Variants in APPL1 observed in about 807,000 individuals in gnomAD.
APPL1 encodes the protein adaptor protein, phosphotyrosine interacting with PH domain and leucine zipper 1.
Under a neutral mutation model 106.8 loss-of-function variants are expected in APPL1, and 42 were observed. The ratio of observed to expected loss-of-function variants is 0.39; its 90% CI spans 0.31 to 0.51. The LOEUF (loss-of-function observed/expected upper bound fraction) is 0.51, where lower values mean the gene tolerates loss of function less well. Among genes scored for constraint, APPL1 ranks in the 20% least tolerant of loss-of-function variants. APPL1 has a pLI of 0.75. For synonymous variants in APPL1, 263 were observed against 281.8 expected, an observed-to-expected ratio of 0.93 and a Z score of 0.67; for missense variants, 769 against 858.2, an observed-to-expected ratio of 0.90 and a Z score of 1.30.
At chr3:57,251,484 C>T (rs1449517346) in intron 11 of APPL1, among the ~76,000 whole-genome samples, 1 of 147,694 alleles carries the variant, frequency 6.8e-6, no homozygotes, top group Non-Finnish European at 1.5e-5. Context: ...GAGATCGCGC[C>T]ACTGCACTTC....
chr3:57,250,826 G>A (rs1357632925), intron 11 of APPL1, among the ~76,000 whole-genome samples: 1 of 13,752 alleles, frequency 7.3e-5, no homozygotes, highest in Non-Finnish European at 1.5e-4. Flanking sequence ...TTTTTTTTTT[G>A]AGACGGAGTC....
At chr3:57,265,402 G>A (rs1001099182) in intron 19 of APPL1, among the ~76,000 whole-genome samples, 15 of 152,164 alleles carry the variant, frequency 9.9e-5, no homozygotes, top group Middle Eastern at 3.4e-3. Context: ...CACCTGTCTC[G>A]GCCTCCCAAA....
Position 57,248,223 on chromosome 3 carries a change from G to C in APPL1, c.735G>C (p.Glu245Asp). 1 of 1,614,130 alleles carries C rather than the reference G, an allele frequency of 6.2e-7. No individual in the cohort carries two copies. The highest frequency in any genetic ancestry group is 8.5e-7 in the Non-Finnish European group (1 of 1,180,014). ...GCAGGGAAATGGACAGTGATATAGA[G>C]ACCATGCAACAGACAATAGAGGATT... ...NVRREMDSDI[E>D]TMQQTIEDLE... The change falls in exon 10 of 22, where the codon GAG (glutamate) becomes GAC (aspartate). Residue 245 changes from glutamate (E) to aspartate (D), a missense_variant. Glu to Asp is a conservative substitution (Grantham distance 45). Coordinates refer to ENST00000288266, the MANE Select transcript of APPL1 (RefSeq NM_012096.3).
Position 57,258,581 on chromosome 3 carries a change from C to T in APPL1, c.1431-447C>T, listed in dbSNP as rs536030389. On this transcript the variant is annotated intron_variant, in intron 15 of 21. Transcript: ENST00000288266. ...ACTTTTCTTTTTGCATTGTTACTTACGCTTTAAGAAATACAGGTTTAAAAC... is the reference window on the plus strand; with the variant it reads ...ACTTTTCTTTTTGCATTGTTACTTATGCTTTAAGAAATACAGGTTTAAAAC... 1.1e-4 allele frequency among the ~76,000 whole-genome samples: 16 copies of T among 152,308 alleles called. No individual in the cohort carries two copies. The South Asian group carries it at 2.7e-3, about 26-fold the overall frequency.
rs529656946 is a variant in APPL1, at chr3:57,235,645, A to G, written c.134A>G (p.His45Arg). 5.6e-6 allele frequency: 9 copies of G among 1,613,048 alleles called. No individual in the cohort carries two copies. The African/African-American group carries it at 8.0e-5, about 14-fold the overall frequency. Reference sequence around the variant, plus strand: ...ATGAACCAGTTGTATCAAGCTATGCATCGGATTTATGATGCACAGGTAAAA... The same window carrying G: ...ATGAACCAGTTGTATCAAGCTATGCGTCGGATTTATGATGCACAGGTAAAA... The part of the protein sequence containing the change: ...NYMNQLYQAM[H>R]RIYDAQNELS... The change falls in exon 2 of 22, where the codon CAT (histidine) becomes CGT (arginine). Residue 45 changes from histidine (H) to arginine (R), a missense_variant. Coordinates refer to ENST00000288266, the MANE Select transcript of APPL1 (RefSeq NM_012096.3).
In APPL1 at chr3:57,273,033, A is replaced by AT. The variant is rs1271090482; in HGVS notation, c.*3350dup. 14 of 152,752 alleles carry AT rather than the reference A, an allele frequency of 9.2e-5. No homozygotes were observed. In the East Asian group the frequency reaches 1.7e-3, roughly 19 times the overall value. 9.5% of individuals were successfully genotyped at this position (152,752 alleles called of 1,614,324 possible). ...GTTTGGTTTACTCTTCTCCCATGAG[A>AT]TTTTGTCTTTCTACATTAACTAGTA... On this transcript the variant is annotated 3_prime_UTR_variant, in exon 22 of 22. Coordinates refer to ENST00000288266, the MANE Select transcript of APPL1 (RefSeq NM_012096.3).
rs1415229841 is a variant in APPL1, at chr3:57,270,291, C to G, written c.*604C>G. ...ACTTTCTGGGATTGCTCACATTTCT[C>G]TAATGTACTGCACTTGATGCCAGTA... is the stretch of plus-strand genomic sequence containing the variant. On this transcript the variant is annotated 3_prime_UTR_variant, in exon 22 of 22. Transcript: ENST00000288266. 6.6e-6 allele frequency: 1 copy of G among 152,608 alleles called. No homozygotes were observed. The highest frequency in any genetic ancestry group is 1.5e-5 in the Non-Finnish European group (1 of 68,078). 9.5% of individuals were successfully genotyped at this position (152,608 alleles called of 1,614,324 possible).
At chr3:57,234,743 C>T (rs1291761844) in intron 1 of APPL1, among the ~76,000 whole-genome samples, 2 of 152,012 alleles carry the variant, frequency 1.3e-5, no homozygotes, top group Non-Finnish European at 2.9e-5. Flanking sequence ...GCAACCTTCA[C>T]CTCCCAAGTT....
chr3:57,245,950 C>T (rs1420172612), intron 7 of APPL1, 126 bp from the exon 8 acceptor site: 8 of 596,600 alleles, frequency 1.3e-5, no homozygotes, highest in Non-Finnish European at 1.9e-5. Context: ...AACATTAATG[C>T]TCAATTGCTT....
At chr3:57,251,684 CTTG>C (rs2060805818) in intron 11 of APPL1, among the ~76,000 whole-genome samples, 1 of 151,976 alleles carries the variant, frequency 6.6e-6, no homozygotes, top group South Asian at 2.1e-4. Context: ...AAATTACCAA[CTTG>C]TTAACATGTT....
chr3:57,271,130 GC>G lies in APPL1; in HGVS notation c.*1445del, dbSNP rs2060935380. 6.6e-6 allele frequency: 1 copy of G among 152,238 alleles called. No homozygotes were observed. Among genetic ancestry groups the G allele is most frequent in the Non-Finnish European group, 1.5e-5 (1 of 67,958 alleles). 9.4% of individuals were successfully genotyped at this position (152,238 alleles called of 1,614,324 possible). A position where few individuals can be genotyped will look rare whatever the true frequency, so the allele number is the denominator to read the frequency against. On this transcript the variant is annotated 3_prime_UTR_variant, in exon 22 of 22. Coordinates refer to ENST00000288266, the MANE Select transcript of APPL1 (RefSeq NM_012096.3). ...CTTTAATAATTTTACAAGGGAAAAAGCCTTTTTTTTTCTTTGATATACAGTT... is the reference window on the plus strand; with the variant it reads ...CTTTAATAATTTTACAAGGGAAAAAGCTTTTTTTTTCTTTGATATACAGTT...
rs974960614 is a variant in APPL1 at position 57,270,459 on chromosome 3, G to A, written c.*772G>A. 2.6e-5 allele frequency: 4 copies of A among 152,612 alleles called. No individual in the cohort carries two copies. Among genetic ancestry groups the A allele is most frequent in the African/African-American group, 7.2e-5 (3 of 41,460 alleles). The allele number at this position is 152,612 out of a possible 1,614,324, so 9.5% of individuals were successfully genotyped here. On this transcript the variant is annotated 3_prime_UTR_variant, in exon 22 of 22. Coordinates refer to ENST00000288266, the MANE Select transcript of APPL1 (RefSeq NM_012096.3). ...AATAAGATATTGGAATTTATTAAAA[G>A]ATTTTTGTTCAATACATTTTAGATT... is the stretch of plus-strand genomic sequence containing the variant.
At position 57,257,336 on chromosome 3, in the gene APPL1, T is replaced by G. The variant is rs144211678; in HGVS notation, c.1338T>G (p.Leu446=). Residue 446 remains leucine, a synonymous_variant, in exon 15 of 22, where the codon CTT becomes CTG. Coordinates refer to ENST00000288266, the MANE Select transcript of APPL1 (RefSeq NM_012096.3). ...TNLAALSLDS[L]VAPDTPIQFD... ...TGGCTGCCCTCTCTCTAGATTCTCT[T>G]GTTGCCCCAGACACCCCAATACAGT... The G allele has an allele frequency of 2.2e-5, 36 of 1,614,020 alleles. No homozygotes were observed. The highest frequency in any genetic ancestry group is 3.0e-5 in the Non-Finnish European group (35 of 1,180,026).
intron 1 of APPL1, among the ~76,000 whole-genome samples, chr3:57,234,112 TA>T (rs1449355900): frequency 6.6e-6 from 1 of 152,092 alleles, no homozygotes; most frequent in East Asian, 1.9e-4. Flanking sequence ...CAACAGTTTC[TA>T]AGGCTGAGGC....
At position 57,227,789 on chromosome 3, in the gene APPL1, G is replaced by T. The variant is rs2060659287; in HGVS notation, c.-95G>T. ...GCGGGGACGGCTGCAGCCCTTGCCG[G>T]AGAGGGCGGGCCGGGGTCAGCTGCG... On this transcript the variant is annotated 5_prime_UTR_variant, in exon 1 of 22. Transcript: ENST00000288266. 1 of 1,130,776 alleles carries T rather than the reference G, an allele frequency of 8.8e-7. No individual in the cohort carries two copies. Among genetic ancestry groups the T allele is most frequent in the African/African-American group, 1.6e-5 (1 of 61,382 alleles). 70.0% of individuals were successfully genotyped at this position (1,130,776 alleles called of 1,614,324 possible).
chr3:57,260,852 C>A, intron 19 of APPL1, 78 bp downstream of exon 19: 1 of 1,314,834 alleles, frequency 7.6e-7, no homozygotes, highest in Non-Finnish European at 1.0e-6. Context: ...TAATTAAATT[C>A]TTACAAATTA....
chr3:57,242,958 A>G (rs765781465), intron 7 of APPL1, 44 bp downstream of exon 7: 7 of 1,449,970 alleles, frequency 4.8e-6, no homozygotes, highest in Non-Finnish European at 6.7e-6. Flanking sequence ...TTAACTATTC[A>G]TTAGGTGGTT....
chr3:57,262,899 G>A (rs1160340729), intron 19 of APPL1, among the ~76,000 whole-genome samples: 1 of 149,896 alleles, frequency 6.7e-6, no homozygotes, highest in African/African-American at 2.5e-5. Context: ...CACCTGGGCT[G>A]GAGTGCAATG....
rs1440311152 is a variant in APPL1, at chr3:57,273,417, GA to G, written c.*3731del. On this transcript the variant is annotated 3_prime_UTR_variant, in exon 22 of 22. Transcript: ENST00000288266. ...GGCTTCAGGAAAAAAGTTGTTAGAA[GA>G]TTTTTTAATGTATAATAAAGTCCAT... is the stretch of plus-strand genomic sequence containing the variant. 2.0e-5 allele frequency: 3 copies of G among 152,484 alleles called. No individual in the cohort carries two copies. The highest frequency in any genetic ancestry group is 4.4e-5 in the Non-Finnish European group (3 of 67,988). The allele number at this position is 152,484 out of a possible 1,614,324, so 9.4% of individuals were successfully genotyped here.
Sources: allele counts gnomAD v4.1 joint callset (sites outside exome capture counted in the v4.1 genomes callset), GRCh38; gene constraint gnomAD v4.1.1; transcripts MANE v1.5; gene names NCBI Gene and HGNC (gene_info 2026-07-23, HGNC 2026-07-21).